FRYL: variants seen among roughly 807,000 people sequenced by gnomAD.
The protein encoded by FRYL is protein furry homolog-like.
FRYL carries 150 observed loss-of-function variants against 351.2 expected under a neutral mutation model. The ratio of observed to expected loss-of-function variants is 0.43; its 90% CI spans 0.37 to 0.49. FRYL has a LOEUF of 0.49. FRYL is among the 20% of genes least tolerant of loss of function. The pLI is 0.00. For synonymous variants in FRYL, 1,153 were observed against 1,257.1 expected (o/e 0.92, Z 1.75); for missense variants, 3,036 against 3,619.3 (o/e 0.84, Z 4.13).
chr4:48,677,078 A>G (rs1293887033), intron 3 of FRYL, among the ~76,000 whole-genome samples: 7 of 152,198 alleles, frequency 4.6e-5, no homozygotes, highest in African/African-American at 1.7e-4. Flanking sequence ...TTTACAGAGG[A>G]ATAGAGGATA....
intron 48 of FRYL, 31 bp downstream of exon 48, chr4:48,535,625 AG>A (rs1489824357): frequency 1.4e-6 from 2 of 1,409,328 alleles, no homozygotes; most frequent in Non-Finnish European, 1.9e-6. Context: ...ATATATATAT[AG>A]TAAATAAGAA....
At chr4:48,601,302 T>C (rs909748466) in intron 13 of FRYL, among the ~76,000 whole-genome samples, 2 of 152,194 alleles carry the variant, frequency 1.3e-5, no homozygotes, top group African/African-American at 2.4e-5. Flanking sequence ...TCTAAGTATA[T>C]ATCAAAAGAA....
At chr4:48,693,488 C>T (rs1316407881) in intron 2 of FRYL, among the ~76,000 whole-genome samples, 2 of 151,640 alleles carry the variant, frequency 1.3e-5, no homozygotes, top group Admixed American at 6.6e-5. Context: ...CTATTCTCCC[C>T]GTTTATTTTT....
rs1718867258 is a variant in FRYL, at chr4:48,498,488, ACAGG to A, written c.*930_*933del. On this transcript the variant is annotated 3_prime_UTR_variant, in exon 64 of 64. Transcript: ENST00000358350. ...AAAACTTTTCTAATGAGAATAGCTG[ACAGG>A]CAGCATACATCTTTATTTTACATTT... The A allele has an allele frequency of 6.6e-6, 1 of 152,670 alleles. No individual in the cohort carries two copies. The highest frequency in any genetic ancestry group is 6.5e-5 in the Admixed American group (1 of 15,288). 9.5% of individuals were successfully genotyped at this position (152,670 alleles called of 1,614,324 possible).
chr4:48,609,699 G>T, intron 8 of FRYL, 45 bp downstream of exon 8: 1 of 910,360 alleles, frequency 1.1e-6, no homozygotes, highest in Non-Finnish European at 1.7e-6. Flanking sequence ...GTCTAGACCT[G>T]GATTGCAAAA....
At chr4:48,656,683 T>TA (rs1278850097) in intron 3 of FRYL, among the ~76,000 whole-genome samples, 1 of 123,862 alleles carries the variant, frequency 8.1e-6, no homozygotes, top group East Asian at 2.2e-4. Flanking sequence ...TATATATGAC[T>TA]GATACATATA....
intron 19 of FRYL, 101 bp downstream of exon 19, chr4:48,586,520 T>C: frequency 1.3e-6 from 1 of 758,570 alleles, no homozygotes; most frequent in Non-Finnish European, 2.2e-6. Context: ...TAGAAATGTC[T>C]TTAACATCGC....
At chr4:48,586,924 T>C (rs1314548299) in intron 18 of FRYL, among the ~76,000 whole-genome samples, 196 bp from the exon 19 acceptor site, 1 of 151,990 alleles carries the variant, frequency 6.6e-6, no homozygotes, top group Non-Finnish European at 1.5e-5. Flanking sequence ...TAATTCAAAA[T>C]AAAACCAGCA....
chr4:48,711,760 T>C (rs1032082467), intron 1 of FRYL, among the ~76,000 whole-genome samples: 41 of 152,176 alleles, frequency 2.7e-4, no homozygotes, highest in Non-Finnish European at 3.2e-4. Context: ...GCAGACTGCC[T>C]CCTCAAGTGG....
In FRYL at chr4:48,565,095, T is replaced by C. The variant is rs1736468167; in HGVS notation, c.3331-52A>G. 8 of 1,089,598 alleles carry C rather than the reference T, an allele frequency of 7.3e-6. No homozygotes were observed. In the East Asian group the frequency reaches 1.6e-4, roughly 21 times the overall value. 67.5% of individuals were successfully genotyped at this position (1,089,598 alleles called of 1,614,324 possible). On this transcript the variant is annotated intron_variant, in intron 29 of 63. Coordinates refer to ENST00000358350, the MANE Select transcript of FRYL (RefSeq NM_015030.2). ...TTTAACAAATTTAAGAGGTTAAATGTTGGTTGCTTAATGAGAAGAGGCAAA... is the reference window on the plus strand; with the variant it reads ...TTTAACAAATTTAAGAGGTTAAATGCTGGTTGCTTAATGAGAAGAGGCAAA...
chr4:48,558,673 T>G (rs935563158), intron 33 of FRYL, among the ~76,000 whole-genome samples: 1 of 152,186 alleles, frequency 6.6e-6, no homozygotes, highest in African/African-American at 2.4e-5. Context: ...ATTGACCCAT[T>G]AGGAACCTCA....
At position 48,597,633 on chromosome 4, in the gene FRYL, C is replaced by T. The variant is rs79780750; in HGVS notation, c.1036-1633G>A. 1.5e-3 allele frequency among the ~76,000 whole-genome samples: 234 copies of T among 152,206 alleles called. 7 individuals carry two copies. In the East Asian group the frequency reaches 0.043, roughly 28 times the overall value. ...TAGTTTTTAGGTACACATGAAATAA[C>T]ACTTTCATATTGTTAAATTGTATTT... On this transcript the variant is annotated intron_variant, in intron 13 of 63. Transcript: ENST00000358350.
chr4:48,504,382 G>A (rs1309357034), intron 60 of FRYL, among the ~76,000 whole-genome samples: 3 of 151,954 alleles, frequency 2.0e-5, no homozygotes, highest in Non-Finnish European at 4.4e-5. Context: ...ATCTTAAGAT[G>A]GATATAATTT....
intron 3 of FRYL, among the ~76,000 whole-genome samples, chr4:48,667,041 G>A (rs1294917145): frequency 5.3e-5 from 8 of 152,146 alleles, no homozygotes; most frequent in Non-Finnish European, 1.2e-4. Context: ...CATCCTGATT[G>A]CCATCTTTCT....
chr4:48,559,642 A>AAGAGGGAG (rs1734970679), intron 33 of FRYL, among the ~76,000 whole-genome samples: 1 of 86,238 alleles, frequency 1.2e-5, no homozygotes, highest in Admixed American at 1.5e-4. Context: ...GGGAGAGAGG[A>AAGAGGGAG]AGAGGGAGGG....
In FRYL at chr4:48,548,737, A is replaced by G. The variant is rs1369629126; in HGVS notation, c.4841T>C (p.Val1614Ala). The G allele has an allele frequency of 1.9e-6, 3 of 1,612,234 alleles. No individual in the cohort carries two copies. The highest frequency in any genetic ancestry group is 1.3e-5 in the African/African-American group (1 of 74,878). The change falls in exon 40 of 64, where the codon GTG becomes GCG. Residue 1614 changes from valine to alanine, a missense_variant. By Grantham distance (64) the Val-to-Ala change is moderately conservative (BLOSUM62 0). This residue lies in a region of FRYL where 1,987 missense variants were observed against 2,311.7 expected (regional missense o/e 0.86). Coordinates refer to ENST00000358350, the MANE Select transcript of FRYL (RefSeq NM_015030.2). The stretch of plus-strand genomic sequence containing the variant: ...AAGATGGAGGTAGCTTCCCCATTCC[A>G]CCTTCACACTATGATCAATGATGAG... ...TDLIIDHSVK[V>A]EWGSYLHLLL...
chr4:48,603,827 G>A (rs562257895), intron 11 of FRYL, among the ~76,000 whole-genome samples: 1 of 152,292 alleles, frequency 6.6e-6, no homozygotes, highest in South Asian at 2.1e-4. Context: ...GCTGTTCCTA[G>A]AACGCATCAA....
At chr4:48,561,359 T>C (rs1578126398) in intron 33 of FRYL, 109 bp downstream of exon 33, 4 of 629,186 alleles carry the variant, frequency 6.4e-6, no homozygotes, top group Admixed American at 6.5e-5. Flanking sequence ...TGTAAAGACA[T>C]GTCTGGTTTT....
At chr4:48,631,297 C>A (rs1051183331) in intron 4 of FRYL, among the ~76,000 whole-genome samples, 11 of 152,100 alleles carry the variant, frequency 7.2e-5, no homozygotes, top group Non-Finnish European at 1.6e-4. Context: ...ATCCTTACCA[C>A]TATTAATCAT....
Sources: allele counts gnomAD v4.1 joint callset (sites outside exome capture counted in the v4.1 genomes callset), GRCh38; gene constraint gnomAD v4.1.1; regional missense constraint gnomAD v4.1.1; transcripts MANE v1.5; gene names NCBI Gene and HGNC (gene_info 2026-07-23, HGNC 2026-07-21).